The following IGBP1C variants were observed in gnomAD, a reference collection of about 807,000 sequenced individuals.
IGBP1C encodes immunoglobulin-binding protein 1 family member C.
the IGBP1C span, among the ~76,000 whole-genome samples, chr17:58,687,661 T>G: frequency 6.6e-6 from 1 of 151,936 alleles, no homozygotes; most frequent in Non-Finnish European, 1.5e-5. Flanking sequence ...AGTTCTATGT[T>G]CTTAGGCTAA....
chr17:58,661,590 C>T, the IGBP1C span: 1 of 724,508 alleles, frequency 1.4e-6, no homozygotes, highest in Admixed American at 2.1e-5. Context: ...TCGTCTTCAG[C>T]AGCTGCCATC....
At chr17:58,672,105 C>T in the IGBP1C span, among the ~76,000 whole-genome samples, 1 of 152,282 alleles carries the variant, frequency 6.6e-6, no homozygotes, top group African/African-American at 2.4e-5. Context: ...AGTGTGCAAC[C>T]TAGATCCCTG....
chr17:58,676,247 G>C, the IGBP1C span, among the ~76,000 whole-genome samples: 2 of 152,084 alleles, frequency 1.3e-5, no homozygotes, highest in African/African-American at 4.8e-5. Flanking sequence ...GTGGTGGCAG[G>C]TGCCTGTAAT....
the IGBP1C span, among the ~76,000 whole-genome samples, chr17:58,687,120 A>T: frequency 6.6e-6 from 1 of 152,022 alleles, no homozygotes; most frequent in Non-Finnish European, 1.5e-5. Context: ...TTAATCATGA[A>T]TGCAGGATGT....
At chr17:58,671,606 C>A in the IGBP1C span, among the ~76,000 whole-genome samples, 2 of 152,154 alleles carry the variant, frequency 1.3e-5, no homozygotes, top group Non-Finnish European at 2.9e-5. Flanking sequence ...AAGCCAGCCC[C>A]AGAGCTTCTA....
At chr17:58,685,322 G>A in the IGBP1C span, among the ~76,000 whole-genome samples, 1 of 151,848 alleles carries the variant, frequency 6.6e-6, no homozygotes, top group Non-Finnish European at 1.5e-5. Context: ...TGTAATCCCA[G>A]CTACTCAGGA....
At chr17:58,681,721 TA>T in the IGBP1C span, among the ~76,000 whole-genome samples, 1 of 151,920 alleles carries the variant, frequency 6.6e-6, no homozygotes, top group South Asian at 2.1e-4. Context: ...TGTGCATCTG[TA>T]ATCCCAGCTA....
the IGBP1C span, among the ~76,000 whole-genome samples, chr17:58,689,087 C>G: frequency 6.6e-6 from 1 of 151,558 alleles, no homozygotes; most frequent in Non-Finnish European, 1.5e-5. Context: ...CCTGCCACCA[C>G]ACCCGGCTAA....
the IGBP1C span, chr17:58,661,397 T>C: frequency 1.3e-5 from 11 of 877,124 alleles, no homozygotes; most frequent in Middle Eastern, 2.1e-4. Flanking sequence ...CTCCAAATCT[T>C]CATTTCGGCT....
chr17:58,662,415 T>TCA, the IGBP1C span, among the ~76,000 whole-genome samples: 12,193 of 114,840 alleles, frequency 0.11, 535 homozygotes, highest in East Asian at 0.17. Context: ...CACACATATC[T>TCA]CACACACACA....
At chr17:58,668,114 T>C in the IGBP1C span, among the ~76,000 whole-genome samples, 63 of 152,278 alleles carry the variant, frequency 4.1e-4, no homozygotes, top group African/African-American at 1.5e-3. Context: ...CCAGCCTGTC[T>C]TCAGCAAGAA....
chr17:58,676,167 G>C, the IGBP1C span, among the ~76,000 whole-genome samples: 1 of 152,162 alleles, frequency 6.6e-6, no homozygotes, highest in Non-Finnish European at 1.5e-5. Flanking sequence ...CCTGAGATCA[G>C]GAGTTCAAGC....
chr17:58,688,857 C>T, the IGBP1C span, among the ~76,000 whole-genome samples: 1 of 152,104 alleles, frequency 6.6e-6, no homozygotes, highest in Non-Finnish European at 1.5e-5. Context: ...CCTGATGTGT[C>T]TCTGACCTCA....
At chr17:58,678,596 T>A in the IGBP1C span, among the ~76,000 whole-genome samples, 2 of 151,934 alleles carry the variant, frequency 1.3e-5, no homozygotes, top group East Asian at 1.9e-4. Flanking sequence ...ACACCGTATG[T>A]TCTCACTCAT....
At chr17:58,689,470 T>C in the IGBP1C span, among the ~76,000 whole-genome samples, 96,658 of 151,906 alleles carry the variant, frequency 0.64, 31,126 homozygotes, top group African/African-American at 0.71. Context: ...CCACCCGCCT[T>C]GGCCTCCCAA....
the IGBP1C span, among the ~76,000 whole-genome samples, chr17:58,689,096 A>G: frequency 6.6e-6 from 1 of 151,638 alleles, no homozygotes; most frequent in Non-Finnish European, 1.5e-5. Flanking sequence ...ACACCCGGCT[A>G]ATTTTTTGTA....
chr17:58,686,751 A>G, the IGBP1C span, among the ~76,000 whole-genome samples: 2 of 151,046 alleles, frequency 1.3e-5, no homozygotes, highest in African/African-American at 4.9e-5. Flanking sequence ...AAGAAGCTTT[A>G]TCATAACCAC....
the IGBP1C span, among the ~76,000 whole-genome samples, chr17:58,670,435 AC>A: frequency 2.6e-5 from 4 of 151,896 alleles, no homozygotes; most frequent in Admixed American, 2.6e-4. Flanking sequence ...AAAAAAAAAA[AC>A]AACAAACAGC....
At chr17:58,674,615 A>G in the IGBP1C span, among the ~76,000 whole-genome samples, 4 of 152,042 alleles carry the variant, frequency 2.6e-5, no homozygotes, top group Non-Finnish European at 5.9e-5. Context: ...GGTTGCAGTG[A>G]GCCGAGATCC....
Sources: gnomAD v4.1 joint callset for allele counts (sites outside exome capture counted in the v4.1 genomes callset) on GRCh38, gnomAD v4.1.1 for gene constraint, MANE v1.5 for transcripts, NCBI Gene and HGNC (gene_info 2026-07-23, HGNC 2026-07-21) for gene names.